The following MYO1A variants were observed in gnomAD, a reference collection of about 807,000 sequenced individuals.
MYO1A encodes myosin IA.
MYO1A carries 127 observed loss-of-function variants against 138.5 expected under a neutral mutation model. The ratio of observed to expected loss-of-function variants is 0.92; its 90% CI spans 0.79 to 1.06. The LOEUF is 1.06. Ranked by LOEUF, MYO1A falls within the 50% of genes least tolerant of loss-of-function variation. MYO1A has a pLI of 0.00. For synonymous variants in MYO1A, 477 were observed against 497.5 expected, an observed-to-expected ratio of 0.96 and a Z score of 0.55; for missense variants, 1,211 against 1,288.8, an observed-to-expected ratio of 0.94 and a Z score of 0.92.
rs1388776160 is a variant in MYO1A, at chr12:57,029,448, A to G, written c.2864T>C (p.Leu955Ser). 6.2e-7 allele frequency: 1 copy of G among 1,614,040 alleles called. No homozygotes were observed. Among genetic ancestry groups the G allele is most frequent in the African/African-American group, 1.3e-5 (1 of 74,920 alleles). The stretch of plus-strand genomic sequence containing the variant: ...CAGCTCTGATACCTCACTCAGATGC[A>G]AGCTAAAGAGCCCATCCTTGAGGCT... ...VTSLKDGLFSLHLSEMSSVGS... is the reference protein window; with the variant it reads ...VTSLKDGLFSSHLSEMSSVGS... Residue 955 changes from leucine to serine, a missense_variant, in exon 26 of 28, where the codon TTG (leucine) becomes TCG (serine). Coordinates refer to ENST00000300119, the MANE Select transcript of MYO1A (RefSeq NM_005379.4).
Position 57,038,882 on chromosome 12 carries a change from G to A in MYO1A, c.1460C>T (p.Thr487Ile). The stretch of plus-strand genomic sequence containing the variant: ...GTCATACTGACGCTGGGCATTCTGG[G>A]TGACTTTGCTCTCGTAGTGGCCATG... ...SKHGHYESKVTQNAQRQYDHT... is the reference protein window; with the variant it reads ...SKHGHYESKVIQNAQRQYDHT... The change falls in exon 16 of 28, where the codon ACC (threonine) becomes ATC (isoleucine). Residue 487 changes from threonine (T) to isoleucine (I), a missense_variant. Coordinates refer to ENST00000300119, the MANE Select transcript of MYO1A (RefSeq NM_005379.4). 2 of 1,614,198 alleles carry A rather than the reference G, an allele frequency of 1.2e-6. No individual in the cohort carries two copies. The highest frequency in any genetic ancestry group is 1.7e-6 in the Non-Finnish European group (2 of 1,180,050).
chr12:57,039,474 C>A (rs1447849329), intron 14 of MYO1A, 200 bp from the exon 15 acceptor site: 2 of 609,354 alleles, frequency 3.3e-6, no homozygotes, highest in South Asian at 1.8e-5. Flanking sequence ...GACAGACACA[C>A]GGAAGGAATT....
chr12:57,038,112 T>G (rs1249623806), intron 17 of MYO1A, 43 bp from the exon 18 acceptor site: 1 of 1,599,686 alleles, frequency 6.3e-7, no homozygotes, highest in East Asian at 2.2e-5. Flanking sequence ...GGAGCTGACA[T>G]CATTGCCAGT....
At position 57,048,053 on chromosome 12, in the gene MYO1A, T is replaced by G. The variant is rs1332428434; in HGVS notation, c.166A>C (p.Ile56Leu). 10 of 1,614,154 alleles carry G rather than the reference T, an allele frequency of 6.2e-6. No individual in the cohort carries two copies. ...TTGGCAATGAACTCTGGCCCATAGATGGGAAGCTGTTGATAGGGATTCACT... is the reference window on the plus strand; with the variant it reads ...TTGGCAATGAACTCTGGCCCATAGAGGGGAAGCTGTTGATAGGGATTCACT... ...ISVNPYQQLP[I>L]YGPEFIAKYQ... Residue 56 changes from isoleucine to leucine, a missense_variant, in exon 3 of 28, where the codon ATC (isoleucine) becomes CTC (leucine). Coordinates refer to ENST00000300119, the MANE Select transcript of MYO1A (RefSeq NM_005379.4).
rs1465679305 is a variant in MYO1A at position 57,038,811 on chromosome 12, T to C, written c.1531A>G (p.Lys511Glu). ...SCFRICHYAG[K>E]VTYNVTSFID... is the part of the protein sequence containing the mutation. ...GCCCTCCAGCCCTGCCATTTCACCT[T>C]GCCCGCATAGTGGCAGATGCGGAAG... The change falls in exon 16 of 28, where the codon AAG becomes GAG. Residue 511 changes from lysine to glutamate, a missense_variant and splice_region_variant. Coordinates refer to ENST00000300119, the MANE Select transcript of MYO1A (RefSeq NM_005379.4). 1.9e-6 allele frequency: 3 copies of C among 1,614,020 alleles called. No homozygotes were observed. In the African/African-American group the frequency reaches 4.0e-5, roughly 22 times the overall value.
At chr12:57,041,013 G>C (rs1050250284) in intron 14 of MYO1A, among the ~76,000 whole-genome samples, 171 bp downstream of exon 14, 3 of 152,230 alleles carry the variant, frequency 2.0e-5, no homozygotes, top group African/African-American at 7.2e-5. Context: ...GAGAGCAGAG[G>C]ATTAGGGCTA....
intron 14 of MYO1A, 53 bp downstream of exon 14, chr12:57,041,131 G>A: frequency 2.2e-6 from 3 of 1,342,356 alleles, no homozygotes; most frequent in South Asian, 1.2e-5. Flanking sequence ...AGGAAGCTCT[G>A]GCATATGCCT....
chr12:57,046,735 C>T (rs2031111377), intron 7 of MYO1A, 85 bp from the exon 8 acceptor site: 2 of 1,475,618 alleles, frequency 1.4e-6, no homozygotes, highest in Non-Finnish European at 9.5e-7. Context: ...GCCCCCATCG[C>T]CGGCATTCCT....
In MYO1A at chr12:57,036,859, T is replaced by G. The variant is rs763732457; in HGVS notation, c.2206-19A>C. On this transcript the variant is annotated intron_variant, in intron 20 of 27. Transcript: ENST00000300119. ...TCTTTTGCTGTAGAAAACATAGGAG[T>G]TGTTAGAAAAATGGCACCTCCTGAG... The G allele has an allele frequency of 6.2e-7, 1 of 1,613,920 alleles. No homozygotes were observed. Among genetic ancestry groups the G allele is most frequent in the South Asian group, 1.1e-5 (1 of 91,070 alleles).
At position 57,043,154 on chromosome 12, in the gene MYO1A, T is replaced by C; in HGVS notation, c.1016A>G (p.Gln339Arg). The C allele has an allele frequency of 1.9e-6, 3 of 1,614,218 alleles. No individual in the cohort carries two copies. Among genetic ancestry groups the C allele is most frequent in the Non-Finnish European group, 2.5e-6 (3 of 1,180,040 alleles). Residue 339 changes from glutamine (Q) to arginine (R), a missense_variant, in exon 12 of 28, where the codon CAG becomes CGG. Physicochemically the swap from Gln to Arg is conservative, Grantham distance 43. Coordinates refer to ENST00000300119, the MANE Select transcript of MYO1A (RefSeq NM_005379.4). ...CTTAGCCAGGGCGTCCCGAGCATACTGAGCCTGTGGGTGAGGCACAGCTGA... is the reference window on the plus strand; with the variant it reads ...CTTAGCCAGGGCGTCCCGAGCATACCGAGCCTGTGGGTGAGGCACAGCTGA... ...VVTALNVMQA[Q>R]YARDALAKNI...
At chr12:57,041,696 G>T (rs2030867822) in intron 12 of MYO1A, among the ~76,000 whole-genome samples, 199 bp from the exon 13 acceptor site, 1 of 152,216 alleles carries the variant, frequency 6.6e-6, no homozygotes, top group Non-Finnish European at 1.5e-5. Context: ...AGGAGGAAAA[G>T]GAAGATACAG....
intron 22 of MYO1A, among the ~76,000 whole-genome samples, chr12:57,035,968 G>A (rs2030520970): frequency 1.3e-5 from 2 of 152,180 alleles, no homozygotes; most frequent in Non-Finnish European, 2.9e-5. Flanking sequence ...ACTCTTCAAT[G>A]AGGCTTAGCC....
rs2030654603 is a variant in MYO1A at position 57,038,030 on chromosome 12, G to C, written c.1800C>G (p.Phe600Leu). 6.2e-7 allele frequency: 1 copy of C among 1,614,154 alleles called. No individual in the cohort carries two copies. The highest frequency in any genetic ancestry group is 1.1e-5 in the South Asian group (1 of 91,084). ...KPNEHQQRGQ[F>L]SSDLVATQAR... ...CCTGGGTTGCCACCAGGTCTGAAGAGAACTGACCTCGCTGCTGATGCTCAT... is the reference window on the plus strand; with the variant it reads ...CCTGGGTTGCCACCAGGTCTGAAGACAACTGACCTCGCTGCTGATGCTCAT... Residue 600 changes from phenylalanine to leucine, a missense_variant, in exon 18 of 28, where the codon TTC becomes TTG. Transcript: ENST00000300119.
upstream of MYO1A, chr12:57,050,997 T>C (rs1470421523): frequency 6.6e-6 from 1 of 152,228 alleles, no homozygotes; most frequent in Non-Finnish European, 1.5e-5. Context: ...AGTAAGACCC[T>C]GAGCTAATGT....
At chr12:57,030,830 A>G (rs376998039) in intron 23 of MYO1A, among the ~76,000 whole-genome samples, 20 of 152,334 alleles carry the variant, frequency 1.3e-4, no homozygotes, top group African/African-American at 4.8e-4. Context: ...ATGGAGATGG[A>G]TGGCAGTGAT....
chr12:57,031,134 G>A lies in MYO1A; in HGVS notation c.2390C>T (p.Ser797Phe), dbSNP rs113470661. The A allele has an allele frequency of 6.0e-3, 9,673 of 1,614,148 alleles. 37 individuals carry two copies. Among genetic ancestry groups the A allele is most frequent in the Non-Finnish European group, 7.2e-3 (8,535 of 1,180,022 alleles). The change falls in exon 23 of 28, where the codon TCC becomes TTC. Residue 797 changes from serine to phenylalanine, a missense_variant. Transcript: ENST00000300119. ...FLLGLKNNLP[S>F]TNVLDKTWPA... ...CCATGTCTTGTCTAAGACGTTTGTGGATGGCAAATTGTTCTTCAGCCCCAG... is the reference window on the plus strand; with the variant it reads ...CCATGTCTTGTCTAAGACGTTTGTGAATGGCAAATTGTTCTTCAGCCCCAG...
Position 57,043,977 on chromosome 12 carries a change from C to T in MYO1A, c.771G>A (p.Ser257=), listed in dbSNP as rs201705384. ...VQSAMAVIGF[S]EEEIRQVLEV... is the part of the protein sequence containing the mutation. ...CTAGCACTTGTCGAATCTCCTCCTC[C>T]GAGAACCCAATCACTGCCATTGCAC... Residue 257 remains serine (S), a synonymous_variant, in exon 10 of 28, where the codon TCG becomes TCA. Transcript: ENST00000300119. 38 of 1,614,134 alleles carry T rather than the reference C, an allele frequency of 2.4e-5. No individual in the cohort carries two copies. The highest frequency in any genetic ancestry group is 3.3e-4 in the Middle Eastern group (2 of 6,062).
chr12:57,048,335 C>T lies in MYO1A; in HGVS notation c.-12G>A. 6.3e-7 allele frequency: 1 copy of T among 1,591,870 alleles called. No homozygotes were observed. The highest frequency in any genetic ancestry group is 8.6e-7 in the Non-Finnish European group (1 of 1,159,808). Reference sequence around the variant, plus strand: ...TCCAGGAGAGGCATGTCCAGAGGGGCCACTGATCCTGGGAATAAGAGGCAC... The same window carrying T: ...TCCAGGAGAGGCATGTCCAGAGGGGTCACTGATCCTGGGAATAAGAGGCAC... On this transcript the variant is annotated 5_prime_UTR_variant, in exon 2 of 28. Coordinates refer to ENST00000300119, the MANE Select transcript of MYO1A (RefSeq NM_005379.4).
At chr12:57,044,832 G>A (rs2031024366) in intron 8 of MYO1A, among the ~76,000 whole-genome samples, 1 of 152,118 alleles carries the variant, frequency 6.6e-6, no homozygotes, top group Admixed American at 6.5e-5. Context: ...AAATAAACAA[G>A]CAACCCTTCC....
Sources: allele counts gnomAD v4.1 joint callset (sites outside exome capture counted in the v4.1 genomes callset), GRCh38; gene constraint gnomAD v4.1.1; transcripts MANE v1.5; gene names NCBI Gene and HGNC (gene_info 2026-07-23, HGNC 2026-07-21).